Variants in USP24 observed in about 807,000 individuals in gnomAD.
USP24 encodes ubiquitin specific peptidase 24.
In USP24, 97 loss-of-function variants were observed where a neutral mutation model predicts 361.6. The ratio of observed to expected loss-of-function variants is 0.27; its 90% CI spans 0.23 to 0.32. The LOEUF is 0.32. Among genes scored for constraint, USP24 ranks in the 10% least tolerant of loss-of-function variants. The pLI is 1.00. For synonymous variants in USP24, 1,098 were observed against 1,124.6 expected (o/e 0.98, Z 0.47); for missense variants, 2,353 against 3,165.6 (o/e 0.74, Z 6.16).
At chr1:55,138,828 G>A in intron 25 of USP24, 110 bp from the exon 26 acceptor site, 1 of 1,311,444 alleles carries the variant, frequency 7.6e-7, no homozygotes, top group Non-Finnish European at 1.1e-6. Flanking sequence ...AGAAAAGAGA[G>A]GCTAACTGGG....
intron 1 of USP24, among the ~76,000 whole-genome samples, chr1:55,213,410 CTTTT>C (rs1243558771): frequency 6.6e-6 from 1 of 152,186 alleles, no homozygotes; most frequent in Non-Finnish European, 1.5e-5. Flanking sequence ...GAAACCTGTT[CTTTT>C]TAAGTGCCAC....
At chr1:55,147,868 T>A in intron 17 of USP24, 70 bp from the exon 18 acceptor site, 1 of 1,522,066 alleles carries the variant, frequency 6.6e-7, no homozygotes, top group South Asian at 1.2e-5. Flanking sequence ...TAATACAAGC[T>A]GCTATTTAAA....
At chr1:55,180,331 C>T (rs1203314224) in intron 1 of USP24, among the ~76,000 whole-genome samples, 1 of 152,146 alleles carries the variant, frequency 6.6e-6, no homozygotes, top group Non-Finnish European at 1.5e-5. Context: ...TCTTGGGACA[C>T]CCCCTCCTGC....
At chr1:55,157,581 C>G (rs929926936) in intron 10 of USP24, among the ~76,000 whole-genome samples, 4 of 152,046 alleles carry the variant, frequency 2.6e-5, no homozygotes, top group African/African-American at 9.7e-5. Context: ...GCCTGTAATC[C>G]CAGCACATTG....
rs375170761 is a variant in USP24, at chr1:55,197,532, ATG to A, written c.324+17256_324+17257del. 1.6e-4 allele frequency among the ~76,000 whole-genome samples: 24 copies of A among 152,334 alleles called. No individual in the cohort carries two copies. In the East Asian group the frequency reaches 2.1e-3, roughly 13 times the overall value. ...ACAGATCCTGAGCACAGAGAATTGT[ATG>A]TGTGTTCAGGCACAAAAGAGAAAGC... is the stretch of plus-strand genomic sequence containing the variant. On this transcript the variant is annotated intron_variant, in intron 1 of 67. Coordinates refer to ENST00000294383, the MANE Select transcript of USP24 (RefSeq NM_015306.3).
intron 39 of USP24, 113 bp downstream of exon 39, chr1:55,110,072 A>G: frequency 1.2e-6 from 1 of 864,494 alleles, no homozygotes; most frequent in South Asian, 2.5e-5. Flanking sequence ...ACTTCAAACA[A>G]TTGTAATTGT....
At chr1:55,207,725 C>T (rs905763141) in intron 1 of USP24, among the ~76,000 whole-genome samples, 3 of 152,056 alleles carry the variant, frequency 2.0e-5, no homozygotes, top group Admixed American at 1.3e-4. Context: ...GAACCAGCCC[C>T]CTATGGCTAT....
chr1:55,115,841 A>G (rs1432772877), intron 38 of USP24, among the ~76,000 whole-genome samples: 1 of 152,238 alleles, frequency 6.6e-6, no homozygotes, highest in Non-Finnish European at 1.5e-5. Context: ...GTGGCCATAG[A>G]AAAGGATGAG....
chr1:55,101,794 T>A, intron 42 of USP24, 91 bp from the exon 43 acceptor site: 6 of 1,414,524 alleles, frequency 4.2e-6, no homozygotes, highest in Non-Finnish European at 5.6e-6. Flanking sequence ...GGAGATATAT[T>A]CACAGATTTA....
chr1:55,148,419 G>C (rs1168147243), intron 17 of USP24, 44 bp downstream of exon 17: 3 of 1,421,774 alleles, frequency 2.1e-6, no homozygotes, highest in Non-Finnish European at 2.9e-6. Context: ...TATTGTAAAA[G>C]TTATGCAAGT....
At chr1:55,152,277 ACTTTTT>A (rs1647222451) in intron 16 of USP24, among the ~76,000 whole-genome samples, 1 of 152,232 alleles carries the variant, frequency 6.6e-6, no homozygotes, top group African/African-American at 2.4e-5. Flanking sequence ...TTCTCCTTTT[ACTTTTT>A]GAGTTTTGTT....
chr1:55,077,423 C>T lies in USP24; in HGVS notation c.7315-123G>A, dbSNP rs539774377. Reference sequence around the variant, plus strand: ...GCCGACCCTGGACAAGTCAATACTGCTTTCTAGGCCTTAGTTTCTCAAATG... The same window carrying T: ...GCCGACCCTGGACAAGTCAATACTGTTTTCTAGGCCTTAGTTTCTCAAATG... On this transcript the variant is annotated intron_variant, in intron 61 of 67. Transcript: ENST00000294383. 127 of 649,362 alleles carry T rather than the reference C, an allele frequency of 2.0e-4. No individual in the cohort carries two copies. In the East Asian group the frequency reaches 3.8e-3, roughly 19 times the overall value. 40.2% of individuals were successfully genotyped at this position (649,362 alleles called of 1,614,324 possible). A position where few individuals can be genotyped will look rare whatever the true frequency, so the allele number is the denominator to read the frequency against.
chr1:55,159,716 T>C, intron 8 of USP24, 31 bp from the exon 9 acceptor site: 1 of 1,532,412 alleles, frequency 6.5e-7, no homozygotes, highest in Non-Finnish European at 8.8e-7. Context: ...AGTTAAGAAC[T>C]CCCGAAGCTG....
chr1:55,079,842 C>G (rs550336), intron 59 of USP24, among the ~76,000 whole-genome samples, 183 bp from the exon 60 acceptor site: 115,571 of 151,442 alleles, frequency 0.76, 44,854 homozygotes, highest in East Asian at 0.96. Flanking sequence ...ACACAGTACT[C>G]ACACACAGAG....
Position 55,157,069 on chromosome 1 carries a change from AGAG to A in USP24, c.1343-21_1343-19del. ...TATGTTGCCTAATTGAAGAAACATG[AGAG>A]AGAAAGTCAGATATAGTGAACACTG... On this transcript the variant is annotated intron_variant, in intron 11 of 67. Transcript: ENST00000294383. 1 of 1,593,674 alleles carries A rather than the reference AGAG, an allele frequency of 6.3e-7. No homozygotes were observed. The highest frequency in any genetic ancestry group is 8.6e-7 in the Non-Finnish European group (1 of 1,163,832).
intron 63 of USP24, 63 bp downstream of exon 63, chr1:55,075,394 C>T: frequency 6.8e-7 from 1 of 1,474,620 alleles, no homozygotes; most frequent in South Asian, 1.2e-5. Flanking sequence ...CAGAACTGGC[C>T]AGAACAATAG....
intron 41 of USP24, among the ~76,000 whole-genome samples, chr1:55,104,948 G>GT (rs1645732047): frequency 6.6e-6 from 1 of 152,178 alleles, no homozygotes; most frequent in African/African-American, 2.4e-5. Flanking sequence ...GAGTTTCTGT[G>GT]TATTTTAAAT....
At chr1:55,069,146 G>C in intron 67 of USP24, 39 bp from the exon 68 acceptor site, 1 of 1,608,584 alleles carries the variant, frequency 6.2e-7, no homozygotes, top group Non-Finnish European at 8.5e-7. Flanking sequence ...CATACGGTTA[G>C]AGAAAAGGTT....
Position 55,124,465 on chromosome 1 carries a change from G to A in USP24, c.4120+4C>T. 5 of 1,608,302 alleles carry A rather than the reference G, an allele frequency of 3.1e-6. No individual in the cohort carries two copies. Among genetic ancestry groups the A allele is most frequent in the Non-Finnish European group, 4.2e-6 (5 of 1,176,950 alleles). ...TCTCATTACTGTCTCTTTTTAATCA[G>A]TACCTGAACTGCTGAGTCTGTTTCG... On this transcript the variant is annotated splice_donor_region_variant and intron_variant, in intron 35 of 67. Coordinates refer to ENST00000294383, the MANE Select transcript of USP24 (RefSeq NM_015306.3).
Sources: gnomAD v4.1 joint callset for allele counts (sites outside exome capture counted in the v4.1 genomes callset) on GRCh38, gnomAD v4.1.1 for gene constraint, MANE v1.5 for transcripts, NCBI Gene and HGNC (gene_info 2026-07-23, HGNC 2026-07-21) for gene names.